The following DLGAP2 variants were observed in gnomAD, a reference collection of about 807,000 sequenced individuals.
The protein encoded by DLGAP2 is DLG associated protein 2, also known as disks large-associated protein 2.
A neutral mutation model predicts 100.3 loss-of-function variants in DLGAP2; 26 were observed. The ratio of observed to expected loss-of-function variants is 0.26; its 90% confidence interval spans 0.19 to 0.36. The LOEUF is 0.36. Among genes scored for constraint, DLGAP2 ranks in the 10% least tolerant of loss-of-function variants. The pLI is 1.00. For synonymous variants in DLGAP2, 886 were observed against 630.1 expected, an observed-to-expected ratio of 1.41 and a Z score of -6.08; for missense variants, 1,858 against 1,453.2, an observed-to-expected ratio of 1.28 and a Z score of -4.53.
intron 2 of DLGAP2, among the ~76,000 whole-genome samples, chr8:1,046,085 C>G (rs920000632): frequency 6.6e-6 from 1 of 152,114 alleles, no homozygotes; most frequent in Admixed American, 6.5e-5. Flanking sequence ...AGCAGCCCAG[C>G]AATATAAAAG....
intron 2 of DLGAP2, among the ~76,000 whole-genome samples, chr8:986,499 T>A (rs998932201): frequency 2.0e-5 from 3 of 152,112 alleles, no homozygotes; most frequent in African/African-American, 7.2e-5. Context: ...AAGTATAATT[T>A]CTTACTTAGA....
At chr8:1,523,092 G>T (rs764016022) in intron 4 of DLGAP2, among the ~76,000 whole-genome samples, 1 of 152,186 alleles carries the variant, frequency 6.6e-6, no homozygotes, top group African/African-American at 2.4e-5. Context: ...GGCACTGCCC[G>T]TGCGGCATCT....
intron 3 of DLGAP2, among the ~76,000 whole-genome samples, chr8:1,473,727 C>T (rs1403532135): frequency 6.6e-6 from 1 of 152,170 alleles, no homozygotes; most frequent in Non-Finnish European, 1.5e-5. Context: ...TGGGAGATCA[C>T]TGAATCATGG....
intron 2 of DLGAP2, among the ~76,000 whole-genome samples, chr8:976,475 G>A (rs980213994): frequency 4.6e-5 from 7 of 152,170 alleles, no homozygotes; most frequent in African/African-American, 2.4e-5. Context: ...AGCTGGGCGT[G>A]GTGGCAGGTG....
At chr8:1,376,251 G>A (rs1432468500) in intron 3 of DLGAP2, among the ~76,000 whole-genome samples, 5 of 152,236 alleles carry the variant, frequency 3.3e-5, no homozygotes, top group African/African-American at 7.2e-5. Flanking sequence ...GGCCCGGGAC[G>A]TGCTGTCTCA....
At chr8:1,020,728 C>A (rs745667551) in intron 2 of DLGAP2, among the ~76,000 whole-genome samples, 1 of 152,206 alleles carries the variant, frequency 6.6e-6, no homozygotes. Flanking sequence ...TAAAGAGTAG[C>A]CATCTGTGTG....
At chr8:1,036,160 C>A in intron 2 of DLGAP2, among the ~76,000 whole-genome samples, 1 of 149,136 alleles carries the variant, frequency 6.7e-6, no homozygotes, top group South Asian at 2.2e-4. Flanking sequence ...CGAGTGGATT[C>A]ACACGCTCAT....
intron 1 of DLGAP2, among the ~76,000 whole-genome samples, chr8:852,010 C>T (rs1206947220): frequency 6.6e-6 from 1 of 152,228 alleles, no homozygotes; most frequent in Non-Finnish European, 1.5e-5. Context: ...TGGGACTCAG[C>T]CCCTAAACCC....
intron 2 of DLGAP2, chr8:1,104,789 G>A (rs2129044421): frequency 1.3e-5 from 2 of 152,294 alleles, no homozygotes; most frequent in East Asian, 3.9e-4. Context: ...GCAGCCCCGG[G>A]ACCACTCGCA....
At chr8:1,508,067 G>A (rs887122405) in intron 4 of DLGAP2, among the ~76,000 whole-genome samples, 4 of 151,902 alleles carry the variant, frequency 2.6e-5, no homozygotes, top group Admixed American at 1.3e-4. Context: ...AGGGCACACT[G>A]CATTTTAACA....
intron 3 of DLGAP2, among the ~76,000 whole-genome samples, chr8:1,383,817 C>A (rs1008865449): frequency 2.6e-5 from 4 of 152,194 alleles, no homozygotes; most frequent in Non-Finnish European, 5.9e-5. Flanking sequence ...CAGCTCCCAG[C>A]GAGCACTTTC....
chr8:1,141,791 ATGAC>A (rs762618370), intron 2 of DLGAP2, among the ~76,000 whole-genome samples: 24 of 152,234 alleles, frequency 1.6e-4, no homozygotes, highest in Non-Finnish European at 3.4e-4. Context: ...ACTGAAAAAA[ATGAC>A]TCAAGGCTGA....
chr8:1,689,372 A>G (rs377380735), intron 12 of DLGAP2, among the ~76,000 whole-genome samples: 1 of 152,232 alleles, frequency 6.6e-6, no homozygotes, highest in Non-Finnish European at 1.5e-5. Flanking sequence ...CAAAACCTCC[A>G]GCACATCGGT....
intron 3 of DLGAP2, among the ~76,000 whole-genome samples, chr8:1,379,187 C>G (rs1004496756): frequency 6.6e-6 from 1 of 152,266 alleles, no homozygotes; most frequent in Non-Finnish European, 1.5e-5. Context: ...CGGGGCCACC[C>G]GCTGCCATCA....
rs187546141 is a variant in DLGAP2, at chr8:1,053,233, G to A, written c.73+145267G>A. ...CAGATTCGGAACCTTCTCTCTCCTG[G>A]TGACTGGCCAGTCTATTTGGGCAAA... On this transcript the variant is annotated intron_variant, in intron 2 of 14. Transcript: ENST00000637795. 1.4e-4 allele frequency among the ~76,000 whole-genome samples: 22 copies of A among 152,284 alleles called. No individual in the cohort carries two copies. The East Asian group carries it at 1.5e-3, about 11-fold the overall frequency.
At chr8:1,517,152 G>T (rs1800421043) in intron 4 of DLGAP2, among the ~76,000 whole-genome samples, 2 of 152,164 alleles carry the variant, frequency 1.3e-5, no homozygotes, top group South Asian at 4.1e-4. Flanking sequence ...CCATGGCTGT[G>T]GGTGGAGGGC....
At chr8:900,313 T>G (rs1216778550) in intron 1 of DLGAP2, among the ~76,000 whole-genome samples, 2 of 149,420 alleles carry the variant, frequency 1.3e-5, no homozygotes, top group Non-Finnish European at 3.0e-5. Flanking sequence ...GTGGGCGCCC[T>G]CCTCTTCACG....
intron 5 of DLGAP2, among the ~76,000 whole-genome samples, chr8:1,559,736 C>T (rs563826621): frequency 6.6e-6 from 1 of 152,262 alleles, no homozygotes; most frequent in African/African-American, 2.4e-5. Context: ...CCATCTGCCA[C>T]CAGCCAGCCT....
At chr8:1,217,027 G>A (rs369567516) in intron 2 of DLGAP2, among the ~76,000 whole-genome samples, 4 of 152,092 alleles carry the variant, frequency 2.6e-5, no homozygotes, top group Non-Finnish European at 4.4e-5. Flanking sequence ...TTGCCTAGCT[G>A]GGGTTTGGTG....
Sources: gnomAD v4.1 joint callset for allele counts (sites outside exome capture counted in the v4.1 genomes callset) on GRCh38, gnomAD v4.1.1 for gene constraint, MANE v1.5 for transcripts, NCBI Gene and HGNC (gene_info 2026-07-23, HGNC 2026-07-21) for gene names.